COBL: variants seen among roughly 807,000 people sequenced by gnomAD.
The protein encoded by COBL is protein cordon-bleu.
COBL carries 51 observed loss-of-function variants against 98.8 expected under a neutral mutation model. That is an observed-to-expected ratio of 0.52 (90% CI 0.41 to 0.65). The LOEUF (loss-of-function observed/expected upper bound fraction) is 0.65, where lower values mean the gene tolerates loss of function less well. Ranked by LOEUF, COBL falls within the 30% of genes least tolerant of loss-of-function variation. COBL has a pLI of 0.00. For synonymous variants in COBL, 634 were observed against 651.7 expected (o/e 0.97, Z 0.41); for missense variants, 1,617 against 1,617.5 (o/e 1.00, Z 0.01).
chr7:51,231,688 G>A lies in COBL; in HGVS notation c.42-11744C>T, dbSNP rs574517437. ...CTGCTGCAGGGCTCAGGTGACCCAA[G>A]AGGACTTAGAAGGGGCCTGAACCAG... On this transcript the variant is annotated intron_variant, in intron 1 of 12. Coordinates refer to ENST00000265136, the MANE Select transcript of COBL (RefSeq NM_015198.5). Among the ~76,000 whole-genome samples, 6 of 152,322 alleles carry A rather than the reference G, an allele frequency of 3.9e-5. No individual in the cohort carries two copies. In the South Asian group the frequency reaches 1.2e-3, roughly 32 times the overall value.
At chr7:51,301,285 C>T (rs978157994) in intron 1 of COBL, among the ~76,000 whole-genome samples, 1 of 152,200 alleles carries the variant, frequency 6.6e-6, no homozygotes, top group Non-Finnish European at 1.5e-5. Flanking sequence ...AGCACTAATA[C>T]GCCAAAGAAA....
chr7:51,162,559 A>C (rs1786920106), intron 5 of COBL, among the ~76,000 whole-genome samples: 1 of 152,140 alleles, frequency 6.6e-6, no homozygotes, highest in Non-Finnish European at 1.5e-5. Flanking sequence ...AGACATAATA[A>C]ACCACTTACA....
At chr7:51,198,666 C>A (rs1446058410) in intron 2 of COBL, among the ~76,000 whole-genome samples, 1 of 152,080 alleles carries the variant, frequency 6.6e-6, no homozygotes, top group East Asian at 1.9e-4. Context: ...TTGCATAATT[C>A]TTGCAGGACA....
chr7:51,061,833 A>T (rs772740597), intron 7 of COBL, among the ~76,000 whole-genome samples: 1 of 152,040 alleles, frequency 6.6e-6, no homozygotes, highest in Non-Finnish European at 1.5e-5. Flanking sequence ...ACTTGGATAG[A>T]ATCTCATCAC....
intron 7 of COBL, among the ~76,000 whole-genome samples, chr7:51,083,841 C>T (rs766659879): frequency 2.0e-5 from 3 of 152,096 alleles, no homozygotes; most frequent in African/African-American, 4.8e-5. Context: ...GCCTCCAGGG[C>T]GGAATCAGGG....
At chr7:51,250,576 G>C (rs1796639350) in intron 1 of COBL, among the ~76,000 whole-genome samples, 1 of 152,178 alleles carries the variant, frequency 6.6e-6, no homozygotes, top group African/African-American at 2.4e-5. Flanking sequence ...TCTCAAATTT[G>C]TGTGCAAGTA....
chr7:51,239,319 G>A (rs1206959912), intron 1 of COBL, among the ~76,000 whole-genome samples: 1 of 152,132 alleles, frequency 6.6e-6, no homozygotes, highest in Non-Finnish European at 1.5e-5. Context: ...CCAAAGCCAT[G>A]AGGCCACAAG....
intron 1 of COBL, among the ~76,000 whole-genome samples, chr7:51,287,033 T>G (rs1463051727): frequency 5.3e-5 from 8 of 152,154 alleles, no homozygotes; most frequent in African/African-American, 1.9e-4. Context: ...CTGCATGTTG[T>G]TACTTACAAG....
intron 1 of COBL, among the ~76,000 whole-genome samples, chr7:51,290,636 CCTGA>C (rs1326101251): frequency 6.6e-6 from 1 of 152,006 alleles, no homozygotes; most frequent in Non-Finnish European, 1.5e-5. Flanking sequence ...TCCCTACTGC[CCTGA>C]CTTTCTCTCC....
At chr7:51,235,440 T>C (rs939934893) in intron 1 of COBL, among the ~76,000 whole-genome samples, 1 of 152,198 alleles carries the variant, frequency 6.6e-6, no homozygotes, top group Non-Finnish European at 1.5e-5. Context: ...AAGAACCTCT[T>C]GGGCCCTTCC....
At chr7:51,030,567 T>C (rs548927388) in intron 9 of COBL, among the ~76,000 whole-genome samples, 14 of 152,358 alleles carry the variant, frequency 9.2e-5, no homozygotes, top group African/African-American at 3.4e-4. Flanking sequence ...TGAATTAGTA[T>C]TATTCAGAGC....
intron 1 of COBL, among the ~76,000 whole-genome samples, chr7:51,293,610 C>T (rs1046776426): frequency 2.4e-4 from 37 of 152,216 alleles, no homozygotes; most frequent in Non-Finnish European, 5.4e-4. Context: ...ACTGTGGTAA[C>T]AGTTTCAAGG....
chr7:51,193,257 G>GA, intron 3 of COBL, 122 bp downstream of exon 3: 3 of 816,974 alleles, frequency 3.7e-6, no homozygotes, highest in Non-Finnish European at 5.9e-6. Context: ...TGCCTGGCAT[G>GA]AAAGTAGCAG....
rs192284832 is a variant in COBL at position 51,065,245 on chromosome 7, C to A, written c.1096+19921G>T. 3.8e-5 allele frequency: 27 copies of A among 703,416 alleles called. No individual in the cohort carries two copies. The East Asian group carries it at 5.9e-4, about 15-fold the overall frequency. The allele number at this position is 703,416 out of a possible 1,614,324, so 43.6% of individuals were successfully genotyped here. A position where few individuals can be genotyped will look rare whatever the true frequency, so the allele number is the denominator to read the frequency against. ...GTGTCTAAGTGTGCACATGCATTCA[C>A]AAATGCTTGAAAGACCCAAGAGAAG... On this transcript the variant is annotated intron_variant, in intron 7 of 12. Transcript: ENST00000265136.
chr7:51,182,954 C>G (rs769499475), intron 5 of COBL, among the ~76,000 whole-genome samples: 3 of 152,198 alleles, frequency 2.0e-5, no homozygotes, highest in Non-Finnish European at 4.4e-5. Context: ...GGCTCTCACT[C>G]TCCTCCTCCC....
chr7:51,266,197 A>G lies in COBL; in HGVS notation c.42-46253T>C, dbSNP rs373396539. Among the ~76,000 whole-genome samples, 6 of 152,368 alleles carry G rather than the reference A, an allele frequency of 3.9e-5. No individual in the cohort carries two copies. In the East Asian group the frequency reaches 7.7e-4, roughly 20 times the overall value. ...CATCTTCTGTATGGACACTAAATAC[A>G]TGGTAAAATATAGATTGAAAACTAA... is the stretch of plus-strand genomic sequence containing the variant. On this transcript the variant is annotated intron_variant, in intron 1 of 12. Coordinates refer to ENST00000265136, the MANE Select transcript of COBL (RefSeq NM_015198.5).
chr7:51,299,794 A>G (rs945744856), intron 1 of COBL, among the ~76,000 whole-genome samples: 5 of 152,226 alleles, frequency 3.3e-5, no homozygotes, highest in African/African-American at 9.6e-5. Flanking sequence ...GGGATGAGGA[A>G]CATAATACAG....
chr7:51,104,367 G>A (rs552540380), intron 6 of COBL, among the ~76,000 whole-genome samples: 70 of 152,196 alleles, frequency 4.6e-4, no homozygotes, highest in Non-Finnish European at 8.7e-4. Flanking sequence ...GAAAAGCAGA[G>A]CAAGAGATGA....
At chr7:51,230,638 C>A (rs1442934650) in intron 1 of COBL, among the ~76,000 whole-genome samples, 4 of 152,226 alleles carry the variant, frequency 2.6e-5, no homozygotes, top group Non-Finnish European at 5.9e-5. Flanking sequence ...CATTTCCACA[C>A]ACTGAAGATG....
Sources: gnomAD v4.1 joint callset for allele counts (sites outside exome capture counted in the v4.1 genomes callset) on GRCh38, gnomAD v4.1.1 for gene constraint, MANE v1.5 for transcripts, NCBI Gene and HGNC (gene_info 2026-07-23, HGNC 2026-07-21) for gene names.